The following HIBADH variants were observed in gnomAD, a reference collection of about 807,000 sequenced individuals.
The protein encoded by HIBADH is 3-hydroxyisobutyrate dehydrogenase, mitochondrial.
Under a neutral mutation model 36.1 loss-of-function variants are expected in HIBADH, and 25 were observed. That is an observed-to-expected ratio of 0.69 (90% confidence interval 0.50 to 0.97). HIBADH has a LOEUF of 0.97. HIBADH is among the 50% of genes least tolerant of loss of function. The pLI is 0.00. For missense variants in HIBADH, 421 were observed against 418.0 expected, an observed-to-expected ratio of 1.01 and a Z score of -0.06; for synonymous variants, 160 against 149.5, an observed-to-expected ratio of 1.07 and a Z score of -0.51.
intron 6 of HIBADH, among the ~76,000 whole-genome samples, chr7:27,536,082 G>A (rs1784066350): frequency 6.6e-6 from 1 of 152,082 alleles, no homozygotes; most frequent in African/African-American, 2.4e-5. Context: ...ATTTATGCTT[G>A]CTGATGCCAA....
At chr7:27,642,563 T>A (rs1161652727) in intron 2 of HIBADH, among the ~76,000 whole-genome samples, 1 of 152,086 alleles carries the variant, frequency 6.6e-6, no homozygotes, top group Non-Finnish European at 1.5e-5. Flanking sequence ...GCTCCACTTT[T>A]TGAGGAAACT....
intron 4 of HIBADH, among the ~76,000 whole-genome samples, chr7:27,558,219 A>G (rs145961224): frequency 0.013 from 2,022 of 152,238 alleles, 14 homozygotes; most frequent in Middle Eastern, 0.034. Context: ...TCTTGTTGTT[A>G]ACTAATTTCC....
chr7:27,555,041 G>A, intron 4 of HIBADH, among the ~76,000 whole-genome samples: 1 of 152,132 alleles, frequency 6.6e-6, no homozygotes, highest in African/African-American at 2.4e-5. Flanking sequence ...GAGGACAAAG[G>A]ACACAGTACT....
intron 7 of HIBADH, 25 bp from the exon 8 acceptor site, chr7:27,526,397 A>T (rs1783897879): frequency 6.3e-7 from 1 of 1,588,262 alleles, no homozygotes; most frequent in Non-Finnish European, 8.6e-7. Context: ...AGGAGAGAAC[A>T]CGCTGAGACT....
chr7:27,637,348 A>G (rs983497544), intron 2 of HIBADH, among the ~76,000 whole-genome samples: 1 of 152,250 alleles, frequency 6.6e-6, no homozygotes, highest in Non-Finnish European at 1.5e-5. Flanking sequence ...TTATTGATTC[A>G]AAATTTCTAA....
intron 2 of HIBADH, among the ~76,000 whole-genome samples, chr7:27,645,190 T>C (rs1786040285): frequency 6.6e-6 from 1 of 152,080 alleles, no homozygotes; most frequent in Admixed American, 6.6e-5. Flanking sequence ...TGCTGGGTCA[T>C]GGCATAATTC....
intron 4 of HIBADH, among the ~76,000 whole-genome samples, chr7:27,585,395 CCTAT>C (rs1562631666): frequency 1.3e-5 from 2 of 152,054 alleles, no homozygotes. Context: ...ACACATCTTC[CCTAT>C]CTATGCTAGG....
intron 4 of HIBADH, among the ~76,000 whole-genome samples, chr7:27,617,172 T>C (rs1177749759): frequency 2.6e-5 from 4 of 152,216 alleles, no homozygotes; most frequent in Admixed American, 6.5e-5. Context: ...ATCTTTTATA[T>C]TGTATTTAAT....
At chr7:27,592,640 T>A (rs1784957890) in intron 4 of HIBADH, among the ~76,000 whole-genome samples, 1 of 151,990 alleles carries the variant, frequency 6.6e-6, no homozygotes, top group South Asian at 2.1e-4. Flanking sequence ...TGCGACAACT[T>A]TTCTCTATAT....
At chr7:27,613,362 GCCT>G (rs1472095946) in intron 4 of HIBADH, among the ~76,000 whole-genome samples, 1 of 75,376 alleles carries the variant, frequency 1.3e-5, no homozygotes, top group African/African-American at 6.6e-5. Flanking sequence ...GGTAGAAAGA[GCCT>G]CGTTTAGATA....
At chr7:27,555,302 C>CTTTTTT (rs3072856) in intron 4 of HIBADH, among the ~76,000 whole-genome samples, 4 of 127,436 alleles carry the variant, frequency 3.1e-5, no homozygotes, top group Non-Finnish European at 6.4e-5. Flanking sequence ...TCTTGCTCTA[C>CTTTTTT]TTTTTTTTTT....
At chr7:27,613,808 G>A (rs1451216416) in intron 4 of HIBADH, among the ~76,000 whole-genome samples, 2 of 151,746 alleles carry the variant, frequency 1.3e-5, no homozygotes, top group Non-Finnish European at 2.9e-5. Flanking sequence ...ACAGGTACAC[G>A]CCACCATGCC....
At position 27,632,465 on chromosome 7, in the gene HIBADH, G is replaced by A; in HGVS notation, c.253-20C>T. The A allele has an allele frequency of 6.5e-7, 1 of 1,527,118 alleles. No individual in the cohort carries two copies. Among genetic ancestry groups the A allele is most frequent in the Non-Finnish European group, 9.1e-7 (1 of 1,102,042 alleles). 94.6% of individuals were successfully genotyped at this position (1,527,118 alleles called of 1,614,324 possible). On this transcript the variant is annotated intron_variant, in intron 2 of 7. Transcript: ENST00000265395. ...TACTACCTTTAAAAAAAATTGCAAA[G>A]GCACATTATTTAAATTAAAATGTAA...
chr7:27,613,593 T>A (rs1785371803), intron 4 of HIBADH, among the ~76,000 whole-genome samples: 1 of 151,962 alleles, frequency 6.6e-6, no homozygotes, highest in African/African-American at 2.4e-5. Context: ...CTAAAAGTCC[T>A]TCTGTTGGCC....
rs150159754 is a variant in HIBADH at position 27,605,736 on chromosome 7, C to A, written c.484+23635G>T. On this transcript the variant is annotated intron_variant, in intron 4 of 7. Transcript: ENST00000265395. The stretch of plus-strand genomic sequence containing the variant: ...AAACAAATATTTAGAGTTTAGAAAT[C>A]TTTTCAATTCTTTGCAGATACTTAA... 3.2e-3 allele frequency among the ~76,000 whole-genome samples: 492 copies of A among 151,544 alleles called. 6 individuals carry two copies. The highest frequency in any genetic ancestry group is 0.011 in the African/African-American group (463 of 41,394).
chr7:27,625,795 G>T (rs1397350881), intron 4 of HIBADH, among the ~76,000 whole-genome samples: 1 of 151,950 alleles, frequency 6.6e-6, no homozygotes, highest in Non-Finnish European at 1.5e-5. Flanking sequence ...CGTGATGTGG[G>T]CTCTGATAAA....
intron 4 of HIBADH, among the ~76,000 whole-genome samples, chr7:27,586,726 T>C (rs1057060899): frequency 6.6e-6 from 1 of 151,666 alleles, no homozygotes; most frequent in East Asian, 1.9e-4. Flanking sequence ...ATCACTCTTG[T>C]GAGGCGTTAG....
intron 4 of HIBADH, among the ~76,000 whole-genome samples, chr7:27,594,377 A>T (rs1444179538): frequency 6.6e-6 from 1 of 152,100 alleles, no homozygotes; most frequent in Non-Finnish European, 1.5e-5. Flanking sequence ...TTCTGACCTC[A>T]GGTGATCCAC....
chr7:27,567,053 G>A (rs150425138), intron 4 of HIBADH, among the ~76,000 whole-genome samples: 1 of 152,226 alleles, frequency 6.6e-6, no homozygotes, highest in East Asian at 1.9e-4. Context: ...TTTGATTGAC[G>A]ATGTTGCTCA....
Sources: gnomAD v4.1 joint callset for allele counts (sites outside exome capture counted in the v4.1 genomes callset) on GRCh38, gnomAD v4.1.1 for gene constraint, MANE v1.5 for transcripts, NCBI Gene and HGNC (gene_info 2026-07-23, HGNC 2026-07-21) for gene names.